Variants in DNMBP observed in about 807,000 individuals in gnomAD.
DNMBP encodes dynamin binding protein.
Under a neutral mutation model 150.0 loss-of-function variants are expected in DNMBP, and 87 were observed. The ratio of observed to expected loss-of-function variants is 0.58; its 90% CI spans 0.49 to 0.69. The LOEUF (loss-of-function observed/expected upper bound fraction) is 0.69. Among genes scored for constraint, DNMBP ranks in the 30% least tolerant of loss-of-function variants. DNMBP has a pLI of 0.00. For synonymous variants in DNMBP, 711 were observed against 750.4 expected (o/e 0.95, Z 0.86); for missense variants, 1,774 against 1,949.0 (o/e 0.91, Z 1.69).
intron 3 of DNMBP, among the ~76,000 whole-genome samples, chr10:99,964,491 G>GTTTTTT (rs200597908): frequency 6.8e-6 from 1 of 146,408 alleles, no homozygotes. Context: ...CTTTTCTCCT[G>GTTTTTT]TTTTTGTTTT....
chr10:99,950,144 A>G (rs1459079147), intron 4 of DNMBP, among the ~76,000 whole-genome samples: 2 of 152,164 alleles, frequency 1.3e-5, no homozygotes, highest in Non-Finnish European at 2.9e-5. Context: ...AAGTCTCACA[A>G]AAGATGGTGT....
At chr10:99,968,255 T>C (rs1367501339) in intron 3 of DNMBP, among the ~76,000 whole-genome samples, 1 of 152,214 alleles carries the variant, frequency 6.6e-6, no homozygotes, top group Non-Finnish European at 1.5e-5. Context: ...CACCTATCTC[T>C]TAATTTCCAC....
chr10:99,887,536 A>G (rs1272525161), intron 12 of DNMBP, among the ~76,000 whole-genome samples: 3 of 152,064 alleles, frequency 2.0e-5, no homozygotes, highest in Admixed American at 2.0e-4. Flanking sequence ...CAAAACAAAA[A>G]TTATAAATTT....
At chr10:99,933,267 G>A (rs1466602272) in intron 4 of DNMBP, among the ~76,000 whole-genome samples, 1 of 151,304 alleles carries the variant, frequency 6.6e-6, no homozygotes, top group Non-Finnish European at 1.5e-5. Context: ...CTGCCCTCCA[G>A]CCTGGGTAAC....
intron 4 of DNMBP, among the ~76,000 whole-genome samples, chr10:99,934,714 T>A (rs79440186): frequency 0.048 from 4,470 of 93,668 alleles, 256 homozygotes; most frequent in South Asian, 0.07. Context: ...TCAGGAATCA[T>A]TTGGTAGACG....
chr10:100,001,954 C>T (rs1483068725), intron 1 of DNMBP, among the ~76,000 whole-genome samples: 5 of 152,080 alleles, frequency 3.3e-5, no homozygotes, highest in Non-Finnish European at 5.9e-5. Context: ...TGTTTGTGCA[C>T]GGAGGCTCCC....
chr10:100,004,577 T>C (rs143809293), intron 1 of DNMBP, among the ~76,000 whole-genome samples: 1 of 152,266 alleles, frequency 6.6e-6, no homozygotes, highest in African/African-American at 2.4e-5. Context: ...TGACATGTTA[T>C]TAGAAAAACT....
chr10:99,994,519 G>C (rs2040931008), intron 1 of DNMBP, among the ~76,000 whole-genome samples: 2 of 152,136 alleles, frequency 1.3e-5, no homozygotes, highest in Non-Finnish European at 2.9e-5. Context: ...GAGAGGAAGG[G>C]GGAGTCATGT....
At chr10:99,967,517 C>T (rs1053357073) in intron 3 of DNMBP, among the ~76,000 whole-genome samples, 16 of 151,954 alleles carry the variant, frequency 1.1e-4, no homozygotes, top group African/African-American at 3.4e-4. Flanking sequence ...AATGAGACTC[C>T]GTCTCAAAAA....
chr10:99,900,584 G>A (rs1383379481), intron 6 of DNMBP, among the ~76,000 whole-genome samples: 4 of 151,794 alleles, frequency 2.6e-5, no homozygotes, highest in African/African-American at 7.3e-5. Context: ...ATCTGAGAGC[G>A]TTCTCCATGT....
chr10:99,991,781 C>CT (rs1184979751), intron 1 of DNMBP, among the ~76,000 whole-genome samples: 1 of 151,676 alleles, frequency 6.6e-6, no homozygotes, highest in Non-Finnish European at 1.5e-5. Context: ...TGGCAGGCGC[C>CT]TGTAGTCCCA....
intron 1 of DNMBP, among the ~76,000 whole-genome samples, chr10:99,984,069 C>T (rs2040805792): frequency 6.6e-6 from 1 of 152,200 alleles, no homozygotes; most frequent in South Asian, 2.1e-4. Flanking sequence ...TAATTTACAG[C>T]GTCTACGCCA....
intron 4 of DNMBP, among the ~76,000 whole-genome samples, chr10:99,952,431 A>C (rs2040435009): frequency 6.6e-6 from 1 of 152,220 alleles, no homozygotes; most frequent in Admixed American, 6.5e-5. Flanking sequence ...AAATCAAGGT[A>C]TCTGGCATTC....
chr10:99,936,518 T>TC (rs1820164444), intron 4 of DNMBP, among the ~76,000 whole-genome samples: 1 of 142,082 alleles, frequency 7.0e-6, no homozygotes, highest in Non-Finnish European at 1.5e-5. Context: ...CTTTTTTCTT[T>TC]TTTTTTTTTT....
At chr10:99,886,850 C>T (rs2039475370) in intron 12 of DNMBP, among the ~76,000 whole-genome samples, 1 of 152,142 alleles carries the variant, frequency 6.6e-6, no homozygotes, top group African/African-American at 2.4e-5. Context: ...ACCTTCAATT[C>T]CCACATCAAG....
At chr10:99,999,357 T>C (rs979966823) in intron 1 of DNMBP, among the ~76,000 whole-genome samples, 15 of 152,232 alleles carry the variant, frequency 9.9e-5, no homozygotes, top group African/African-American at 3.4e-4. Flanking sequence ...AGTTTCTCCA[T>C]CTATAAAATG....
At chr10:99,916,787 G>A (rs2039969646) in intron 4 of DNMBP, among the ~76,000 whole-genome samples, 1 of 152,036 alleles carries the variant, frequency 6.6e-6, no homozygotes, top group African/African-American at 2.4e-5. Flanking sequence ...ATTCAGGGAT[G>A]GTCAATGTTT....
rs1346291816 is a variant in DNMBP, at chr10:100,001,410, G to GTTTT, written c.-11+8427_-11+8428insAAAA. ...ACAATTGTGATGGGGTTTTGTTGTT[G>GTTTT]TTGTTTTTTTTTTTTTTTTGAGACA... On this transcript the variant is annotated intron_variant, in intron 1 of 16. Transcript: ENST00000324109. Among the ~76,000 whole-genome samples, 55 of 96,356 alleles carry GTTTT rather than the reference G, an allele frequency of 5.7e-4. 2 individuals are homozygous for GTTTT. The highest frequency in any genetic ancestry group is 6.8e-4 in the Non-Finnish European group (33 of 48,388). The allele number at this position is 96,356 out of a possible 152,430, so 63.2% of individuals were successfully genotyped here. A position where few individuals can be genotyped will look rare whatever the true frequency, so the allele number is the denominator to read the frequency against.
Position 99,971,960 on chromosome 10 carries a change from A to G in DNMBP, c.145+20T>C, listed in dbSNP as rs1300271910. On this transcript the variant is annotated intron_variant, in intron 2 of 16. Coordinates refer to ENST00000324109, the MANE Select transcript of DNMBP (RefSeq NM_015221.4). ...GGAAAGAAGTCAGGGCCTGTGGTCC[A>G]CTATGAGTCTCTTACTTACCTGTAA... is the stretch of plus-strand genomic sequence containing the variant. 1.9e-6 allele frequency: 3 copies of G among 1,608,246 alleles called. No individual in the cohort carries two copies. Among genetic ancestry groups the G allele is most frequent in the Non-Finnish European group, 2.5e-6 (3 of 1,178,004 alleles).
Sources: allele counts gnomAD v4.1 joint callset (sites outside exome capture counted in the v4.1 genomes callset), GRCh38; gene constraint gnomAD v4.1.1; transcripts MANE v1.5; gene names NCBI Gene and HGNC (gene_info 2026-07-23, HGNC 2026-07-21).